The following SRBD1 variants were observed in gnomAD, a reference collection of about 807,000 sequenced individuals.
SRBD1 encodes the protein S1 RNA binding domain 1, also known as S1 RNA-binding domain-containing protein 1.
A neutral mutation model predicts 115.3 loss-of-function variants in SRBD1; 88 were observed. The ratio of observed to expected loss-of-function variants is 0.76; its 90% CI spans 0.64 to 0.91. The LOEUF is 0.91. Among genes scored for constraint, SRBD1 ranks in the 40% least tolerant of loss-of-function variants. The pLI is 0.00. For missense variants in SRBD1, 1,385 were observed against 1,177.4 expected (o/e 1.18, Z -2.58); for synonymous variants, 509 against 407.7 (o/e 1.25, Z -2.99).
chr2:45,454,269 G>T (rs1669086036), intron 16 of SRBD1, among the ~76,000 whole-genome samples: 1 of 151,806 alleles, frequency 6.6e-6, no homozygotes, highest in Non-Finnish European at 1.5e-5. Context: ...GATAATGACT[G>T]GGAGCATGAT....
chr2:45,565,167 GAATAGCC>G (rs1672787641), intron 9 of SRBD1, among the ~76,000 whole-genome samples: 1 of 152,132 alleles, frequency 6.6e-6, no homozygotes, highest in African/African-American at 2.4e-5. Context: ...AAAGGACTGA[GAATAGCC>G]AAGTCAATTT....
At chr2:45,569,264 C>T (rs1410756466) in intron 9 of SRBD1, 1 of 152,228 alleles carries the variant, frequency 6.6e-6, no homozygotes, top group Non-Finnish European at 1.5e-5. Context: ...AATCCCACTA[C>T]TAATCAGCAC....
At chr2:45,494,311 C>G (rs537583820) in intron 14 of SRBD1, among the ~76,000 whole-genome samples, 26 of 151,922 alleles carry the variant, frequency 1.7e-4, no homozygotes, top group Non-Finnish European at 3.5e-4. Flanking sequence ...CATATGTAAT[C>G]AGAAAAGGTT....
At chr2:45,450,775 T>C (rs1368286941) in intron 16 of SRBD1, among the ~76,000 whole-genome samples, 2 of 152,118 alleles carry the variant, frequency 1.3e-5, no homozygotes, top group Non-Finnish European at 1.5e-5. Flanking sequence ...TAAATTCAGA[T>C]GCAGGGTTCT....
intron 4 of SRBD1, 116 bp downstream of exon 4, chr2:45,599,332 CA>C: frequency 2.1e-6 from 3 of 1,419,890 alleles, no homozygotes; most frequent in Non-Finnish European, 2.8e-6. Flanking sequence ...AAATCACTGG[CA>C]AAACTGAAGA....
intron 16 of SRBD1, among the ~76,000 whole-genome samples, chr2:45,449,514 T>C (rs1166970272): frequency 6.6e-6 from 1 of 152,196 alleles, no homozygotes; most frequent in Non-Finnish European, 1.5e-5. Flanking sequence ...ATTGTAAAGT[T>C]TTACCGATCC....
chr2:45,389,050 C>A lies in SRBD1; in HGVS notation c.*260G>T. On this transcript the variant is annotated 3_prime_UTR_variant, in exon 21 of 21. Transcript: ENST00000263736. ...AAGATAAATTACAAAAAATAAAAAA[C>A]AAAATTTTAGTCAGAAAACTATTAC... The A allele has an allele frequency of 5.1e-6, 2 of 393,108 alleles. No individual in the cohort carries two copies. Among genetic ancestry groups the A allele is most frequent in the Non-Finnish European group, 8.9e-6 (2 of 224,242 alleles). The allele number at this position is 393,108 out of a possible 1,614,324, so 24.4% of individuals were successfully genotyped here.
At chr2:45,523,766 A>G (rs1300851553) in intron 14 of SRBD1, among the ~76,000 whole-genome samples, 1 of 152,018 alleles carries the variant, frequency 6.6e-6, no homozygotes, top group Admixed American at 6.6e-5. Flanking sequence ...AAAAGAATTA[A>G]TATCAATTCA....
rs1358288401 is a variant in SRBD1, at chr2:45,408,613, C to T, written c.2513+4501G>A. Among the ~76,000 whole-genome samples, 4 of 152,134 alleles carry T rather than the reference C, an allele frequency of 2.6e-5. No homozygotes were observed. In the East Asian group the frequency reaches 5.8e-4, roughly 22 times the overall value. ...TTTACAGGAGAAATTCAAGATTTTT[C>T]AGGTTTGAACATTGCTGATGACATT... is the stretch of plus-strand genomic sequence containing the variant. On this transcript the variant is annotated intron_variant, in intron 19 of 20. Transcript: ENST00000263736.
intron 16 of SRBD1, among the ~76,000 whole-genome samples, chr2:45,434,512 G>C (rs932420469): frequency 6.6e-6 from 1 of 152,150 alleles, no homozygotes; most frequent in South Asian, 2.1e-4. Context: ...AGTTTATTCT[G>C]TCAAGGATCT....
At chr2:45,526,281 T>C (rs976340014) in intron 14 of SRBD1, among the ~76,000 whole-genome samples, 15 of 152,064 alleles carry the variant, frequency 9.9e-5, no homozygotes, top group Non-Finnish European at 1.8e-4. Context: ...TAAAAAGGAA[T>C]GAAGTTCTGA....
At chr2:45,484,609 A>G (rs1670060358) in intron 15 of SRBD1, among the ~76,000 whole-genome samples, 3 of 152,208 alleles carry the variant, frequency 2.0e-5, no homozygotes, top group Admixed American at 2.0e-4. Context: ...ATAACATATA[A>G]TTAACTATTT....
intron 17 of SRBD1, among the ~76,000 whole-genome samples, chr2:45,419,552 A>G (rs1490388754): frequency 1.3e-5 from 2 of 152,206 alleles, no homozygotes; most frequent in African/African-American, 4.8e-5. Context: ...AATACACTCA[A>G]TGGTTACCAT....
chr2:45,578,046 A>G (rs1673233084), intron 7 of SRBD1, among the ~76,000 whole-genome samples: 1 of 152,206 alleles, frequency 6.6e-6, no homozygotes, highest in Non-Finnish European at 1.5e-5. Context: ...AGGACAATCC[A>G]AAGAGATATG....
intron 11 of SRBD1, among the ~76,000 whole-genome samples, chr2:45,552,673 G>C (rs1672340093): frequency 1.3e-5 from 2 of 152,202 alleles, no homozygotes; most frequent in Non-Finnish European, 2.9e-5. Context: ...AGCAAGCGAT[G>C]TTAGACAGCT....
chr2:45,502,148 C>T (rs1466136073), intron 14 of SRBD1, among the ~76,000 whole-genome samples: 3 of 152,172 alleles, frequency 2.0e-5, no homozygotes, highest in Non-Finnish European at 4.4e-5. Flanking sequence ...GGCTGTTCTG[C>T]AGCCTCTGCT....
chr2:45,388,823 T>G lies in SRBD1; in HGVS notation c.*487A>C, dbSNP rs1218380302. The G allele has an allele frequency of 6.5e-6, 1 of 153,872 alleles. No homozygotes were observed. Among genetic ancestry groups the G allele is most frequent in the Non-Finnish European group, 1.4e-5 (1 of 69,182 alleles). 9.5% of individuals were successfully genotyped at this position (153,872 alleles called of 1,614,324 possible). A position where few individuals can be genotyped will look rare whatever the true frequency, so the allele number is the denominator to read the frequency against. The stretch of plus-strand genomic sequence containing the variant: ...GCTTGCATGACAAGGGAAAAGAGAT[T>G]ATTGCAAAATTATGAATGAAGTCCA... On this transcript the variant is annotated 3_prime_UTR_variant, in exon 21 of 21. Coordinates refer to ENST00000263736, the MANE Select transcript of SRBD1 (RefSeq NM_018079.5).
chr2:45,580,205 A>T (rs1281306362), intron 6 of SRBD1, among the ~76,000 whole-genome samples, 192 bp from the exon 7 acceptor site: 3 of 152,138 alleles, frequency 2.0e-5, no homozygotes, highest in African/African-American at 7.2e-5. Context: ...GCTTTATCTT[A>T]TTCTTTATAT....
At position 45,424,677 on chromosome 2, in the gene SRBD1, C is replaced by A. The variant is rs1372003519; in HGVS notation, c.2050-4783G>T. Among the ~76,000 whole-genome samples the A allele has an allele frequency of 2.6e-5, 4 of 151,652 alleles. No homozygotes were observed. The East Asian group carries it at 7.8e-4, about 30-fold the overall frequency. The stretch of plus-strand genomic sequence containing the variant: ...TTGTATAAGACAGACATACATATAC[C>A]CAAACAGAAGTGATGTGTGATAAGT... On this transcript the variant is annotated intron_variant, in intron 16 of 20. Coordinates refer to ENST00000263736, the MANE Select transcript of SRBD1 (RefSeq NM_018079.5).
Sources: gnomAD v4.1 joint callset for allele counts (sites outside exome capture counted in the v4.1 genomes callset) on GRCh38, gnomAD v4.1.1 for gene constraint, MANE v1.5 for transcripts, NCBI Gene and HGNC (gene_info 2026-07-23, HGNC 2026-07-21) for gene names.